Variants in MARK1 observed in about 807,000 individuals in gnomAD.
The protein encoded by MARK1 is serine/threonine-protein kinase MARK1.
Under a neutral mutation model 96.3 loss-of-function variants are expected in MARK1, and 40 were observed. The ratio of observed to expected loss-of-function variants is 0.42; its 90% CI spans 0.32 to 0.54. The LOEUF is 0.54. MARK1 is among the 20% of genes least tolerant of loss of function. The pLI, the probability that MARK1 is intolerant of heterozygous loss-of-function variation, is 0.16. For missense variants in MARK1, 719 were observed against 984.6 expected (o/e 0.73, Z 3.61); for synonymous variants, 317 against 341.2 (o/e 0.93, Z 0.78).
chr1:220,643,757 G>A (rs753412381), intron 13 of MARK1, among the ~76,000 whole-genome samples: 5 of 152,172 alleles, frequency 3.3e-5, no homozygotes, highest in Non-Finnish European at 5.9e-5. Context: ...AAAAGAGATT[G>A]GGGGCCAATA....
intron 3 of MARK1, among the ~76,000 whole-genome samples, chr1:220,592,266 TATTA>T (rs1665047527): frequency 6.7e-6 from 1 of 148,296 alleles, no homozygotes; most frequent in Non-Finnish European, 1.5e-5. Context: ...TATTATATTA[TATTA>T]TACTATCTTG....
At chr1:220,624,156 G>A (rs1455840874) in intron 9 of MARK1, among the ~76,000 whole-genome samples, 1 of 151,808 alleles carries the variant, frequency 6.6e-6, no homozygotes, top group East Asian at 1.9e-4. Context: ...AAATTAGCTG[G>A]GCATGGTGGC....
chr1:220,551,444 C>T (rs903883161), intron 1 of MARK1, among the ~76,000 whole-genome samples: 2 of 152,142 alleles, frequency 1.3e-5, no homozygotes, highest in African/African-American at 4.8e-5. Context: ...CATTAAAACC[C>T]ACTCCTTGTC....
chr1:220,529,799 C>T (rs1051167603), intron 1 of MARK1, among the ~76,000 whole-genome samples: 3 of 152,058 alleles, frequency 2.0e-5, no homozygotes, highest in African/African-American at 7.2e-5. Context: ...TGTGCAAGTT[C>T]CTTTGTGGGA....
intron 1 of MARK1, among the ~76,000 whole-genome samples, chr1:220,568,479 G>T (rs1215633574): frequency 6.6e-6 from 1 of 152,116 alleles, no homozygotes; most frequent in Non-Finnish European, 1.5e-5. Context: ...AGTAGTAAAT[G>T]AGGGCAGAAA....
rs1306195544 is a variant in MARK1 at position 220,642,126 on chromosome 1, A to G, written c.1470+6100A>G. The stretch of plus-strand genomic sequence containing the variant: ...AAAGGGGGCTGAAGCCAGGGAGCCA[A>G]GCAGCCTCACTCAGTGGGTCCCCCT... On this transcript the variant is annotated intron_variant, in intron 13 of 17. Transcript: ENST00000366917. Among the ~76,000 whole-genome samples, 50 of 152,212 alleles carry G rather than the reference A, an allele frequency of 3.3e-4. 1 individual carries two copies. The highest frequency in any genetic ancestry group is 3.2e-3 in the Admixed American group (49 of 15,282).
chr1:220,591,072 C>A (rs773391349), intron 3 of MARK1, among the ~76,000 whole-genome samples: 1 of 152,108 alleles, frequency 6.6e-6, no homozygotes, highest in Non-Finnish European at 1.5e-5. Context: ...CCCCAGTTTT[C>A]ACAAAATGAT....
chr1:220,616,048 T>C, intron 7 of MARK1, 53 bp downstream of exon 7: 1 of 854,276 alleles, frequency 1.2e-6, no homozygotes. Context: ...TATTAACATA[T>C]ATTTAATAAT....
intron 1 of MARK1, among the ~76,000 whole-genome samples, chr1:220,537,392 C>G (rs912373589): frequency 2.0e-5 from 3 of 151,792 alleles, no homozygotes; most frequent in African/African-American, 7.3e-5. Flanking sequence ...TCCAGTTCAT[C>G]CATGTCCCTA....
At chr1:220,587,968 G>A (rs372118348) in intron 3 of MARK1, among the ~76,000 whole-genome samples, 1 of 152,064 alleles carries the variant, frequency 6.6e-6, no homozygotes, top group South Asian at 2.1e-4. Flanking sequence ...ATGTCAAATT[G>A]CTCTCCAGTG....
chr1:220,642,248 G>A (rs914481102), intron 13 of MARK1, among the ~76,000 whole-genome samples: 1 of 152,124 alleles, frequency 6.6e-6, no homozygotes, highest in African/African-American at 2.4e-5. Flanking sequence ...AGTTCCCAGC[G>A]TTGGGGGCAA....
chr1:220,639,393 T>TG (rs1344567957), intron 13 of MARK1, among the ~76,000 whole-genome samples: 1 of 152,234 alleles, frequency 6.6e-6, no homozygotes, highest in Non-Finnish European at 1.5e-5. Flanking sequence ...TATAATAGTT[T>TG]GGGGGTCCTT....
At chr1:220,619,467 C>G (rs1421158241) in intron 9 of MARK1, among the ~76,000 whole-genome samples, 1 of 152,014 alleles carries the variant, frequency 6.6e-6, no homozygotes, top group Non-Finnish European at 1.5e-5. Context: ...GAGCGAGACT[C>G]TATCATAAAA....
intron 1 of MARK1, among the ~76,000 whole-genome samples, chr1:220,532,366 C>T (rs1418668008): frequency 2.6e-5 from 4 of 152,344 alleles, no homozygotes; most frequent in African/African-American, 9.6e-5. Context: ...TCACATGTCA[C>T]AGTACCTATC....
intron 6 of MARK1, among the ~76,000 whole-genome samples, chr1:220,606,188 C>G (rs1041228084): frequency 2.0e-5 from 3 of 152,116 alleles, no homozygotes; most frequent in Admixed American, 6.6e-5. Context: ...TGTTTCCTGC[C>G]TTTTTAATGA....
At chr1:220,658,993 T>C (rs1296596820) in intron 17 of MARK1, among the ~76,000 whole-genome samples, 1 of 152,202 alleles carries the variant, frequency 6.6e-6, no homozygotes, top group Non-Finnish European at 1.5e-5. Flanking sequence ...TCATCCTATA[T>C]TTCCACTAAA....
At position 220,528,675 on chromosome 1, in the gene MARK1, G is replaced by C. The variant is rs1207242079; in HGVS notation, c.-148G>C. ...CGTCCTCTTCCCTCTTTCCCCCGCCGGGGCCGCTTGTTGCACCGCCCCGCG... is the reference window on the plus strand; with the variant it reads ...CGTCCTCTTCCCTCTTTCCCCCGCCCGGGCCGCTTGTTGCACCGCCCCGCG... On this transcript the variant is annotated 5_prime_UTR_variant, in exon 1 of 18. Coordinates refer to ENST00000366917, the MANE Select transcript of MARK1 (RefSeq NM_018650.5). 6.8e-6 allele frequency: 4 copies of C among 590,546 alleles called. No individual in the cohort carries two copies. The highest frequency in any genetic ancestry group is 2.0e-5 in the African/African-American group (1 of 50,072). The allele number at this position is 590,546 out of a possible 1,614,324, so 36.6% of individuals were successfully genotyped here. A position where few individuals can be genotyped will look rare whatever the true frequency, so the allele number is the denominator to read the frequency against.
At position 220,528,867 on chromosome 1, in the gene MARK1, G is replaced by A. The variant is rs1208012915; in HGVS notation, c.45G>A (p.Thr15=). Residue 15 remains threonine (T), a synonymous_variant, in exon 1 of 18, where the codon ACG becomes ACA. Coordinates refer to ENST00000366917, the MANE Select transcript of MARK1 (RefSeq NM_018650.5). ...TGCCGACGGTGAACGAGCGGGACACGGAAAATGTGAGTAACCGGAGCCTCC... is the reference window on the plus strand; with the variant it reads ...TGCCGACGGTGAACGAGCGGGACACAGAAAATGTGAGTAACCGGAGCCTCC... ...TPLPTVNERD[T]ENHTSVDGYT... 7 of 1,570,728 alleles carry A rather than the reference G, an allele frequency of 4.5e-6. No homozygotes were observed. The highest frequency in any genetic ancestry group is 1.2e-5 in the South Asian group (1 of 85,622).
chr1:220,637,277 C>G (rs1025996856), intron 13 of MARK1, among the ~76,000 whole-genome samples: 2 of 152,040 alleles, frequency 1.3e-5, no homozygotes, highest in African/African-American at 4.8e-5. Flanking sequence ...AATTCAGAAT[C>G]AAAACTCTGA....
Sources: gnomAD v4.1 joint callset for allele counts (sites outside exome capture counted in the v4.1 genomes callset) on GRCh38, gnomAD v4.1.1 for gene constraint, MANE v1.5 for transcripts, NCBI Gene and HGNC (gene_info 2026-07-23, HGNC 2026-07-21) for gene names.